Variants in AHI1 observed in about 807,000 individuals in gnomAD.
AHI1 encodes Abelson helper integration site 1.
AHI1 carries 123 observed loss-of-function variants against 149.3 expected under a neutral mutation model. The ratio of observed to expected loss-of-function variants is 0.82; its 90% CI spans 0.71 to 0.96. The LOEUF is 0.96. AHI1 is among the 40% of genes least tolerant of loss of function. AHI1 has a pLI of 0.00. For synonymous variants in AHI1, 475 were observed against 459.8 expected, an observed-to-expected ratio of 1.03 and a Z score of -0.42; for missense variants, 1,439 against 1,422.7, an observed-to-expected ratio of 1.01 and a Z score of -0.18.
Position 135,358,164 on chromosome 6 carries a change from G to C in AHI1, c.3133C>G (p.Pro1045Ala), listed in dbSNP as rs1307825583. The change falls in exon 24 of 29, where the codon CCT becomes GCT. Residue 1045 changes from proline (P) to alanine (A), a missense_variant. Transcript: ENST00000265602. The part of the protein sequence containing the change: ...QTGIISIERK[P>A]CNHQVDTAPT... ...GCTGTATCTACCTGATGGTTACAAGGCTTTCTTTCTATGCTGATAATCCCT... is the reference window on the plus strand; with the variant it reads ...GCTGTATCTACCTGATGGTTACAAGCCTTTCTTTCTATGCTGATAATCCCT... The C allele has an allele frequency of 6.2e-7, 1 of 1,612,776 alleles. No homozygotes were observed.
chr6:135,352,390 T>C (rs1190753290), intron 24 of AHI1, among the ~76,000 whole-genome samples: 1 of 152,090 alleles, frequency 6.6e-6, no homozygotes, highest in African/African-American at 2.4e-5. Context: ...AGTGTGTCTT[T>C]CTATAATCTT....
chr6:135,379,617 A>C (rs1166448845), intron 23 of AHI1, among the ~76,000 whole-genome samples: 2 of 152,182 alleles, frequency 1.3e-5, no homozygotes, highest in Non-Finnish European at 2.9e-5. Flanking sequence ...CTATTTAAAA[A>C]TAGGTTTCCA....
At chr6:135,435,814 C>T (rs1051563615) in intron 15 of AHI1, among the ~76,000 whole-genome samples, 12 of 152,038 alleles carry the variant, frequency 7.9e-5, no homozygotes, top group Admixed American at 2.6e-4. Flanking sequence ...TTAAAGCAAA[C>T]GCAATAGAGA....
chr6:135,495,745 G>C (rs1018032512), intron 3 of AHI1, 69 bp downstream of exon 3: 1 of 152,268 alleles, frequency 6.6e-6, no homozygotes, highest in Non-Finnish European at 1.5e-5. Context: ...AGAGAGAAGC[G>C]AAGTGAAGAG....
intron 3 of AHI1, among the ~76,000 whole-genome samples, chr6:135,494,718 G>A (rs118069305): frequency 4.6e-5 from 7 of 152,242 alleles, no homozygotes; most frequent in East Asian, 3.9e-4. Context: ...CTGAAGATTT[G>A]GGAGTTATTT....
At chr6:135,387,936 G>A (rs771807833) in intron 23 of AHI1, 1 of 1,611,776 alleles carries the variant, frequency 6.2e-7, no homozygotes, top group Non-Finnish European at 8.5e-7. Flanking sequence ...AGGAAGTGGT[G>A]GGATCCCAGG....
intron 2 of AHI1, among the ~76,000 whole-genome samples, chr6:135,496,437 T>TACTAC (rs1314104104): frequency 6.6e-6 from 1 of 152,182 alleles, no homozygotes; most frequent in Non-Finnish European, 1.5e-5. Flanking sequence ...TCTTAATATG[T>TACTAC]ACTACAGCAA....
intron 24 of AHI1, among the ~76,000 whole-genome samples, chr6:135,351,847 A>C (rs1427501298): frequency 6.6e-6 from 1 of 152,198 alleles, no homozygotes; most frequent in Non-Finnish European, 1.5e-5. Context: ...CTTTTTCTAA[A>C]GACTGGACCT....
chr6:135,485,534 G>C (rs758032035), intron 5 of AHI1, among the ~76,000 whole-genome samples: 1 of 152,126 alleles, frequency 6.6e-6, no homozygotes, highest in East Asian at 1.9e-4. Flanking sequence ...TATATAAAGT[G>C]CAACCTATGT....
In AHI1 at chr6:135,310,613, T is replaced by A. The variant is rs376921576; in HGVS notation, c.3426+7906A>T. ...TAAAATAATGAAAATTATTAAGACA[T>A]TCCTCTGCTCATGTGAAGATTAGCT... is the stretch of plus-strand genomic sequence containing the variant. On this transcript the variant is annotated intron_variant, in intron 26 of 28. Transcript: ENST00000265602. Among the ~76,000 whole-genome samples the A allele has an allele frequency of 3.2e-3, 494 of 152,342 alleles. 1 individual carries two copies. The highest frequency in any genetic ancestry group is 9.0e-3 in the African/African-American group (375 of 41,578).
chr6:135,318,976 T>C (rs1223206184), intron 25 of AHI1, among the ~76,000 whole-genome samples: 1 of 152,178 alleles, frequency 6.6e-6, no homozygotes, highest in African/African-American at 2.4e-5. Context: ...ATGGAGATCA[T>C]CAAAAGATAG....
At chr6:135,421,246 C>T (rs933128430) in intron 20 of AHI1, among the ~76,000 whole-genome samples, 5 of 151,976 alleles carry the variant, frequency 3.3e-5, no homozygotes, top group Non-Finnish European at 7.4e-5. Flanking sequence ...TTGAGAGCTA[C>T]GAAAATGTGA....
chr6:135,321,581 C>T (rs979114459), intron 25 of AHI1, among the ~76,000 whole-genome samples: 3 of 152,082 alleles, frequency 2.0e-5, no homozygotes, highest in African/African-American at 7.2e-5. Flanking sequence ...CCGGTAATCA[C>T]GAAGGAAATT....
At chr6:135,468,298 G>T (rs1474494215) in intron 5 of AHI1, among the ~76,000 whole-genome samples, 4 of 151,600 alleles carry the variant, frequency 2.6e-5, no homozygotes, top group Non-Finnish European at 5.9e-5. Flanking sequence ...AAATAAATAA[G>T]GAAAAAAACC....
chr6:135,315,786 C>T (rs1262761850), intron 26 of AHI1, among the ~76,000 whole-genome samples: 1 of 152,162 alleles, frequency 6.6e-6, no homozygotes, highest in African/African-American at 2.4e-5. Flanking sequence ...TATCTCACTC[C>T]TTTGCCACTC....
chr6:135,316,827 C>T (rs1786029203), intron 26 of AHI1, among the ~76,000 whole-genome samples: 1 of 152,114 alleles, frequency 6.6e-6, no homozygotes. Flanking sequence ...TTCTGGCTCC[C>T]AGTGAATATT....
chr6:135,307,888 G>A (rs1018608289), intron 26 of AHI1, among the ~76,000 whole-genome samples: 1 of 152,018 alleles, frequency 6.6e-6, no homozygotes, highest in Non-Finnish European at 1.5e-5. Context: ...TGCATCTAGT[G>A]GACAGAGGCC....
rs41437846 is a variant in AHI1 at position 135,409,171 on chromosome 6, T to G, written c.2961+2177A>C. Among the ~76,000 whole-genome samples the G allele has an allele frequency of 3.8e-3, 574 of 152,288 alleles. 2 individuals carry two copies. Among genetic ancestry groups the G allele is most frequent in the African/African-American group, 0.013 (551 of 41,586 alleles). ...ATTATTTGCATGTTAAAAGGGCTGT[T>G]TCTTTAATACATTTTATATAAACAT... is the stretch of plus-strand genomic sequence containing the variant. On this transcript the variant is annotated intron_variant, in intron 21 of 28. Coordinates refer to ENST00000265602, the MANE Select transcript of AHI1 (RefSeq NM_001134831.2).
intron 27 of AHI1, among the ~76,000 whole-genome samples, chr6:135,293,392 C>CAAAAAAAAAAAAAAAAA (rs1175955601): frequency 3.0e-4 from 6 of 20,134 alleles, no homozygotes; most frequent in Admixed American, 5.0e-4. Context: ...GTTAACAGGG[C>CAAAAAAAAAAAAAAAAA]AAAAAAAAAA....
Sources: gnomAD v4.1 joint callset for allele counts (sites outside exome capture counted in the v4.1 genomes callset) on GRCh38, gnomAD v4.1.1 for gene constraint, MANE v1.5 for transcripts, NCBI Gene and HGNC (gene_info 2026-07-23, HGNC 2026-07-21) for gene names.